The following ZNF260 variants were observed in gnomAD, a reference collection of about 807,000 sequenced individuals.
ZNF260 encodes zfp-260.
ZNF260 carries 21 observed loss-of-function variants against 29.3 expected under a neutral mutation model. The ratio of observed to expected loss-of-function variants is 0.72; its 90% confidence interval spans 0.51 to 1.03. The LOEUF is 1.03. Ranked by LOEUF, ZNF260 falls within the 50% of genes least tolerant of loss-of-function variation. The pLI is 0.00. For synonymous variants in ZNF260, 156 were observed against 156.8 expected (o/e 0.99, Z 0.04); for missense variants, 465 against 487.8 (o/e 0.95, Z 0.44).
intron 2 of ZNF260, among the ~76,000 whole-genome samples, chr19:36,521,649 G>C (rs976593489): frequency 1.3e-5 from 2 of 152,064 alleles, no homozygotes; most frequent in African/African-American, 4.8e-5. Context: ...AGCTACTCAG[G>C]AGGCTGAGGC....
intron 1 of ZNF260, among the ~76,000 whole-genome samples, chr19:36,526,072 G>A (rs1449663705): frequency 6.6e-6 from 1 of 152,154 alleles, no homozygotes; most frequent in African/African-American, 2.4e-5. Flanking sequence ...TATTCTGATG[G>A]TATTTATAGG....
Position 36,525,164 on chromosome 19 carries a change from G to C in ZNF260, c.-471C>G, listed in dbSNP as rs2034713713. On this transcript the variant is annotated 5_prime_UTR_variant, in exon 2 of 3. Coordinates refer to ENST00000523638, the MANE Select transcript of ZNF260 (RefSeq NM_001166037.2). ...TCTCATTCATACCTACCAGGTTCTTGCTTACTCACACAAAGAGAACCTTCT... is the reference window on the plus strand; with the variant it reads ...TCTCATTCATACCTACCAGGTTCTTCCTTACTCACACAAAGAGAACCTTCT... 1 of 152,218 alleles carries C rather than the reference G, an allele frequency of 6.6e-6. No homozygotes were observed. The highest frequency in any genetic ancestry group is 1.5e-5 in the Non-Finnish European group (1 of 68,046). The allele number at this position is 152,218 out of a possible 1,614,324, so 9.4% of individuals were successfully genotyped here.
intron 2 of ZNF260, among the ~76,000 whole-genome samples, chr19:36,520,895 A>C (rs771613477): frequency 3.0e-4 from 45 of 150,270 alleles, no homozygotes; most frequent in Non-Finnish European, 6.1e-4. Context: ...CAGCCTGGCC[A>C]ACACCGTGAG....
chr19:36,516,782 G>A (rs1393955105), intron 2 of ZNF260, among the ~76,000 whole-genome samples: 2 of 152,154 alleles, frequency 1.3e-5, no homozygotes, highest in Non-Finnish European at 2.9e-5. Context: ...GTTTCACCAC[G>A]TTGGCCAGGG....
In ZNF260 at chr19:36,512,645, T is replaced by A. The variant is rs1289124804; in HGVS notation, c.*1355A>T. 1 of 152,108 alleles carries A rather than the reference T, an allele frequency of 6.6e-6. No individual in the cohort carries two copies. The highest frequency in any genetic ancestry group is 2.4e-5 in the African/African-American group (1 of 41,422). The allele number at this position is 152,108 out of a possible 1,614,324, so 9.4% of individuals were successfully genotyped here. On this transcript the variant is annotated 3_prime_UTR_variant, in exon 3 of 3. Coordinates refer to ENST00000523638, the MANE Select transcript of ZNF260 (RefSeq NM_001166037.2). Reference sequence around the variant, plus strand: ...CTAGGGCTGGTTAGTGTTGATTTTATTCAAATTCACAGAAGCATCATTACA... The same window carrying A: ...CTAGGGCTGGTTAGTGTTGATTTTAATCAAATTCACAGAAGCATCATTACA...
At chr19:36,517,251 T>G (rs2034566941) in intron 2 of ZNF260, 1 of 152,160 alleles carries the variant, frequency 6.6e-6, no homozygotes, top group Non-Finnish European at 1.5e-5. Context: ...AAAAATTAGG[T>G]AGGTGCAGTA....
Position 36,514,743 on chromosome 19 carries a change from A to C in ZNF260, c.496T>G (p.Cys166Gly). Residue 166 changes from cysteine to glycine, a missense_variant, in exon 3 of 3, where the codon TGT becomes GGT. Cys to Gly is a radical substitution (Grantham distance 159). Coordinates refer to ENST00000523638, the MANE Select transcript of ZNF260 (RefSeq NM_001166037.2). ...CTGAAGGCTCTTCCACACTGATTAC[A>C]TTCAAATGGTTTTTCTCCAGTATGA... ...KIHTGEKPFECNQCGRAFSQK... is the reference protein window; with the variant it reads ...KIHTGEKPFEGNQCGRAFSQK... 1 of 1,613,670 alleles carries C rather than the reference A, an allele frequency of 6.2e-7. No homozygotes were observed.
intron 2 of ZNF260, among the ~76,000 whole-genome samples, chr19:36,521,949 T>A (rs1344787715): frequency 6.6e-6 from 1 of 151,616 alleles, no homozygotes; most frequent in Non-Finnish European, 1.5e-5. Flanking sequence ...CTTGGGAGGA[T>A]GAGGCAGCAG....
At position 36,513,816 on chromosome 19, in the gene ZNF260, T is replaced by G; in HGVS notation, c.*184A>C. ...CATTGATAATGCTTGTTGTGGGAGTTTTGGGGGTACGGGTTTTCTTTACAC... is the reference window on the plus strand; with the variant it reads ...CATTGATAATGCTTGTTGTGGGAGTGTTGGGGGTACGGGTTTTCTTTACAC... On this transcript the variant is annotated 3_prime_UTR_variant, in exon 3 of 3. Transcript: ENST00000523638. 1.6e-6 allele frequency: 1 copy of G among 636,328 alleles called. No homozygotes were observed. Among genetic ancestry groups the G allele is most frequent in the Non-Finnish European group, 2.7e-6 (1 of 374,980 alleles). The allele number at this position is 636,328 out of a possible 1,614,324, so 39.4% of individuals were successfully genotyped here. A position where few individuals can be genotyped will look rare whatever the true frequency, so the allele number is the denominator to read the frequency against.
rs553517670 is a variant in ZNF260, at chr19:36,527,902, A to C, written c.-681+317T>G. 3.9e-5 allele frequency among the ~76,000 whole-genome samples: 6 copies of C among 152,248 alleles called. 1 individual carries two copies. The South Asian group carries it at 1.2e-3, about 32-fold the overall frequency. On this transcript the variant is annotated intron_variant, in intron 1 of 2. Coordinates refer to ENST00000523638, the MANE Select transcript of ZNF260 (RefSeq NM_001166037.2). ...CCAGAAAACGCATCTTTATTATTTT[A>C]GAAATGAGAAAAGTGAGGCTTAGAG...
In ZNF260 at chr19:36,512,793, A is replaced by T. The variant is rs563179220; in HGVS notation, c.*1207T>A. ...TGTTACTATCACATTTTATTCATCT[A>T]TTTCACAAGAGACAGCATTTGTTTC... On this transcript the variant is annotated 3_prime_UTR_variant, in exon 3 of 3. Coordinates refer to ENST00000523638, the MANE Select transcript of ZNF260 (RefSeq NM_001166037.2). 1 of 152,256 alleles carries T rather than the reference A, an allele frequency of 6.6e-6. No homozygotes were observed. Among genetic ancestry groups the T allele is most frequent in the East Asian group, 1.9e-4 (1 of 5,188 alleles). 9.4% of individuals were successfully genotyped at this position (152,256 alleles called of 1,614,324 possible). A position where few individuals can be genotyped will look rare whatever the true frequency, so the allele number is the denominator to read the frequency against.
chr19:36,514,482 A>T lies in ZNF260; in HGVS notation c.757T>A (p.Cys253Ser), dbSNP rs2034508435. The T allele has an allele frequency of 6.2e-7, 1 of 1,613,936 alleles. No homozygotes were observed. Among genetic ancestry groups the T allele is most frequent in the Non-Finnish European group, 8.5e-7 (1 of 1,180,004 alleles). Residue 253 changes from cysteine (C) to serine (S), a missense_variant, in exon 3 of 3, where the codon TGT becomes AGT. Cys to Ser is a moderately radical substitution (Grantham distance 112). Coordinates refer to ENST00000523638, the MANE Select transcript of ZNF260 (RefSeq NM_001166037.2). ...GACTTGCCACTGAAGGCTTTCCCACATTCCTTACACGTATAAGGTTTCTCT... is the reference window on the plus strand; with the variant it reads ...GACTTGCCACTGAAGGCTTTCCCACTTTCCTTACACGTATAAGGTTTCTCT... The part of the protein sequence containing the change: ...TGEKPYTCKE[C>S]GKAFSGKSNL...
rs112974086 is a variant in ZNF260, at chr19:36,513,590, CAACA to C, written c.*406_*409del. 12 of 406,712 alleles carry C rather than the reference CAACA, an allele frequency of 3.0e-5. No homozygotes were observed. The highest frequency in any genetic ancestry group is 1.8e-4 in the African/African-American group (9 of 48,758). 25.2% of individuals were successfully genotyped at this position (406,712 alleles called of 1,614,324 possible). On this transcript the variant is annotated 3_prime_UTR_variant, in exon 3 of 3. Coordinates refer to ENST00000523638, the MANE Select transcript of ZNF260 (RefSeq NM_001166037.2). ...AGTCTCAGTTTTATGACTGCTTCAACAACAAATAATTTTGATGATTCTAGTTTTA... is the reference window on the plus strand; with the variant it reads ...AGTCTCAGTTTTATGACTGCTTCAACAATAATTTTGATGATTCTAGTTTTA...
At chr19:36,515,813 T>C (rs1412508368) in intron 2 of ZNF260, 114 bp from the exon 3 acceptor site, 1 of 152,218 alleles carries the variant, frequency 6.6e-6, no homozygotes, top group Non-Finnish European at 1.5e-5. Flanking sequence ...ATAATATCAC[T>C]AACACCTTTG....
intron 2 of ZNF260, among the ~76,000 whole-genome samples, chr19:36,523,917 A>G (rs926253070): frequency 6.6e-6 from 1 of 152,088 alleles, no homozygotes; most frequent in Non-Finnish European, 1.5e-5. Context: ...ATGAACTAAT[A>G]GGAAGTCAGC....
intron 2 of ZNF260, chr19:36,517,880 C>T: frequency 6.5e-6 from 1 of 154,706 alleles, no homozygotes. Context: ...GTTGCCCAGG[C>T]TGGAGTGCAG....
rs2034525621 is a variant in ZNF260, at chr19:36,515,027, G to A, written c.212C>T (p.Thr71Ile). The A allele has an allele frequency of 6.2e-7, 1 of 1,614,086 alleles. No homozygotes were observed. The highest frequency in any genetic ancestry group is 8.5e-7 in the Non-Finnish European group (1 of 1,180,022). The change falls in exon 3 of 3, where the codon ACT becomes ATT. Residue 71 changes from threonine to isoleucine, a missense_variant. Coordinates refer to ENST00000523638, the MANE Select transcript of ZNF260 (RefSeq NM_001166037.2). ...TCCTGTGTGACTTCTAAGGTGTAGAGTAAGAGATGAGACTCGAGAGCACAC... is the reference window on the plus strand; with the variant it reads ...TCCTGTGTGACTTCTAAGGTGTAGAATAAGAGATGAGACTCGAGAGCACAC... ...GKVCSRVSSL[T>I]LHLRSHTGKK...
At chr19:36,518,722 C>T (rs1171619141) in intron 2 of ZNF260, among the ~76,000 whole-genome samples, 1 of 152,162 alleles carries the variant, frequency 6.6e-6, no homozygotes, top group East Asian at 1.9e-4. Flanking sequence ...AATTACAAAT[C>T]ATGAGTCCAC....
chr19:36,525,480 A>C (rs1478494245), intron 1 of ZNF260, 107 bp from the exon 2 acceptor site: 2 of 152,230 alleles, frequency 1.3e-5, no homozygotes, highest in Non-Finnish European at 2.9e-5. Context: ...CCATTATGCC[A>C]TTCAAAAGCT....
Sources: gnomAD v4.1 joint callset for allele counts (sites outside exome capture counted in the v4.1 genomes callset) on GRCh38, gnomAD v4.1.1 for gene constraint, MANE v1.5 for transcripts, NCBI Gene and HGNC (gene_info 2026-07-23, HGNC 2026-07-21) for gene names.